ANKRD6: variants seen among roughly 807,000 people sequenced by gnomAD.
ANKRD6 encodes the protein ankyrin repeat domain 6.
ANKRD6 carries 56 observed loss-of-function variants against 82.3 expected under a neutral mutation model. That is an observed-to-expected ratio of 0.68 (90% CI 0.55 to 0.85). The LOEUF (loss-of-function observed/expected upper bound fraction) is 0.85. ANKRD6 is among the 40% of genes least tolerant of loss of function. ANKRD6 has a pLI of 0.00. For synonymous variants in ANKRD6, 347 were observed against 352.1 expected (o/e 0.99, Z 0.16); for missense variants, 852 against 907.6 (o/e 0.94, Z 0.79).
intron 1 of ANKRD6, among the ~76,000 whole-genome samples, chr6:89,555,549 A>G (rs193179040): frequency 8.9e-4 from 135 of 152,146 alleles, no homozygotes; most frequent in Non-Finnish European, 2.2e-4. Context: ...TGGAGGTTGG[A>G]AGAGTATTAG....
At chr6:89,523,985 A>C (rs1463015997) in intron 1 of ANKRD6, among the ~76,000 whole-genome samples, 1 of 152,122 alleles carries the variant, frequency 6.6e-6, no homozygotes, top group African/African-American at 2.4e-5. Flanking sequence ...CAATTGGCTA[A>C]AAGGTGAATG....
chr6:89,479,293 A>G (rs1046245126), intron 1 of ANKRD6, among the ~76,000 whole-genome samples: 1 of 152,156 alleles, frequency 6.6e-6, no homozygotes, highest in African/African-American at 2.4e-5. Context: ...GGACACTAGG[A>G]TGTTTCCGGT....
chr6:89,609,135 C>G (rs1799546005), intron 5 of ANKRD6, among the ~76,000 whole-genome samples: 1 of 152,208 alleles, frequency 6.6e-6, no homozygotes, highest in Non-Finnish European at 1.5e-5. Context: ...TTTCCTAGTT[C>G]ATATTTTTCA....
At chr6:89,498,569 C>G (rs1267533490) in intron 1 of ANKRD6, among the ~76,000 whole-genome samples, 1 of 150,930 alleles carries the variant, frequency 6.6e-6, no homozygotes, top group African/African-American at 2.4e-5. Flanking sequence ...TTCTAAATGC[C>G]AAGTTTTGTT....
At chr6:89,496,551 C>A (rs1271997605) in intron 1 of ANKRD6, among the ~76,000 whole-genome samples, 1 of 152,064 alleles carries the variant, frequency 6.6e-6, no homozygotes, top group African/African-American at 2.4e-5. Context: ...GAGATGGAGT[C>A]TCTCTCTCTT....
At chr6:89,587,190 CAAAA>C (rs36065437) in intron 2 of ANKRD6, among the ~76,000 whole-genome samples, 4 of 84,276 alleles carry the variant, frequency 4.7e-5, no homozygotes, top group African/African-American at 8.5e-5. Flanking sequence ...AACTCCGTCT[CAAAA>C]AAAAAAAAAA....
chr6:89,555,057 TC>T (rs1430465331), intron 1 of ANKRD6, among the ~76,000 whole-genome samples: 6 of 39,334 alleles, frequency 1.5e-4, no homozygotes, highest in African/African-American at 4.1e-4. Flanking sequence ...CATCCTCTCC[TC>T]CCCCCCTTCT....
chr6:89,519,476 C>G (rs972733845), intron 1 of ANKRD6, among the ~76,000 whole-genome samples: 15 of 152,154 alleles, frequency 9.9e-5, no homozygotes, highest in African/African-American at 3.6e-4. Context: ...AGATCGATTC[C>G]AAGTTTTTTG....
At chr6:89,459,695 G>C (rs1045048654) in intron 1 of ANKRD6, among the ~76,000 whole-genome samples, 1 of 152,076 alleles carries the variant, frequency 6.6e-6, no homozygotes, top group African/African-American at 2.4e-5. Context: ...TAGAGATAGA[G>C]TCTTGCTGTG....
intron 1 of ANKRD6, among the ~76,000 whole-genome samples, chr6:89,492,462 T>C (rs1369045694): frequency 6.6e-6 from 1 of 152,162 alleles, no homozygotes; most frequent in African/African-American, 2.4e-5. Context: ...TACTTGTGTG[T>C]GTTTGCAGGG....
At chr6:89,443,525 G>C (rs1465288245) in intron 1 of ANKRD6, among the ~76,000 whole-genome samples, 1 of 152,174 alleles carries the variant, frequency 6.6e-6, no homozygotes, top group African/African-American at 2.4e-5. Context: ...GGAATGCAGA[G>C]GTGTGATCAT....
At chr6:89,510,382 GTT>G (rs558675360) in intron 1 of ANKRD6, among the ~76,000 whole-genome samples, 9 of 141,488 alleles carry the variant, frequency 6.4e-5, no homozygotes, top group Non-Finnish European at 7.8e-5. Flanking sequence ...TTTCCAAATA[GTT>G]TTTTTTTTTT....
At chr6:89,500,783 A>G (rs1226733659) in intron 1 of ANKRD6, among the ~76,000 whole-genome samples, 1 of 152,156 alleles carries the variant, frequency 6.6e-6, no homozygotes, top group Non-Finnish European at 1.5e-5. Context: ...TTTAGGCATT[A>G]ATAATAGATG....
chr6:89,516,600 G>A (rs1781255339), intron 1 of ANKRD6, among the ~76,000 whole-genome samples: 1 of 152,064 alleles, frequency 6.6e-6, no homozygotes, highest in Non-Finnish European at 1.5e-5. Context: ...TCAACCTCCT[G>A]CAAGTATCTG....
intron 1 of ANKRD6, among the ~76,000 whole-genome samples, chr6:89,497,879 C>G (rs1189596812): frequency 6.6e-6 from 1 of 152,194 alleles, no homozygotes. Context: ...TCAGTCCCCA[C>G]TACCACCCCT....
At chr6:89,557,765 C>T (rs1381620476) in intron 1 of ANKRD6, among the ~76,000 whole-genome samples, 1 of 152,060 alleles carries the variant, frequency 6.6e-6, no homozygotes, top group African/African-American at 2.4e-5. Context: ...TGCCTGAGCT[C>T]CCCCTCCTGT....
intron 2 of ANKRD6, chr6:89,568,350 T>G (rs1789013280): frequency 6.6e-6 from 1 of 152,256 alleles, no homozygotes; most frequent in Non-Finnish European, 1.5e-5. Flanking sequence ...TTTTCAGAAT[T>G]GTTATAAGAA....
chr6:89,473,422 A>G (rs1775705489), intron 1 of ANKRD6, among the ~76,000 whole-genome samples: 2 of 151,796 alleles, frequency 1.3e-5, no homozygotes, highest in Non-Finnish European at 2.9e-5. Flanking sequence ...AAAAAGAAAG[A>G]AAGAAAAAGT....
intron 1 of ANKRD6, among the ~76,000 whole-genome samples, chr6:89,487,053 T>C (rs1777460784): frequency 6.6e-6 from 1 of 152,182 alleles, no homozygotes; most frequent in African/African-American, 2.4e-5. Flanking sequence ...AGAGTACAGG[T>C]CCTAGAGTTG....
Sources: allele counts gnomAD v4.1 joint callset (sites outside exome capture counted in the v4.1 genomes callset), GRCh38; gene constraint gnomAD v4.1.1; transcripts MANE v1.5; gene names NCBI Gene and HGNC (gene_info 2026-07-23, HGNC 2026-07-21).